SIAH1: variants seen among roughly 807,000 people sequenced by gnomAD.
SIAH1 encodes the protein E3 ubiquitin-protein ligase SIAH1.
Under a neutral mutation model 20.0 loss-of-function variants are expected in SIAH1, and 2 were observed. That is an observed-to-expected ratio of 0.10 (90% CI 0.04 to 0.31). The LOEUF (loss-of-function observed/expected upper bound fraction) is 0.31, where lower values mean the gene tolerates loss of function less well. SIAH1 is among the 10% of genes least tolerant of loss of function. The pLI, the probability that SIAH1 is intolerant of heterozygous loss-of-function variation, is 1.00. For synonymous variants in SIAH1, 118 were observed against 125.3 expected (o/e 0.94, Z 0.39); for missense variants, 119 against 355.3 (o/e 0.33, Z 5.35).
intron 1 of SIAH1, among the ~76,000 whole-genome samples, chr16:48,383,358 A>C (rs1191090538): frequency 2.6e-5 from 4 of 152,236 alleles, no homozygotes; most frequent in African/African-American, 7.2e-5. Flanking sequence ...CAATTTGTGT[A>C]ATCTACTTTG....
In SIAH1 at chr16:48,380,928, C is replaced by CAAAAAAAA. The variant is rs59376248; in HGVS notation, c.-3+4268_-3+4275dup. On this transcript the variant is annotated intron_variant, in intron 1 of 1. Transcript: ENST00000394725. ...TGGGCGACAGAGTGAGACTCCGTCT[C>CAAAAAAAA]AAAAAAAAAAAAAAAAAGAACGGCT... 5.9e-3 allele frequency among the ~76,000 whole-genome samples: 265 copies of CAAAAAAAA among 44,924 alleles called. 48 individuals are homozygous for CAAAAAAAA. Among genetic ancestry groups the CAAAAAAAA allele is most frequent in the African/African-American group, 0.025 (252 of 9,994 alleles). The allele number at this position is 44,924 out of a possible 152,430, so 29.5% of individuals were successfully genotyped here. A position where few individuals can be genotyped will look rare whatever the true frequency, so the allele number is the denominator to read the frequency against.
intron 1 of SIAH1, among the ~76,000 whole-genome samples, chr16:48,368,567 G>C (rs557574613): frequency 1.3e-5 from 2 of 152,062 alleles, no homozygotes; most frequent in African/African-American, 4.8e-5. Flanking sequence ...GCATGGTGGC[G>C]TGTGCCTGTA....
intron 1 of SIAH1, among the ~76,000 whole-genome samples, chr16:48,376,636 C>T (rs1442151510): frequency 1.3e-5 from 2 of 152,098 alleles, no homozygotes; most frequent in African/African-American, 2.4e-5. Context: ...GGATTACTGG[C>T]GCCCGGCACT....
intron 1 of SIAH1, among the ~76,000 whole-genome samples, chr16:48,374,140 A>G (rs1961046388): frequency 6.6e-6 from 1 of 152,180 alleles, no homozygotes; most frequent in African/African-American, 2.4e-5. Flanking sequence ...CTTCTAACAG[A>G]CTACATAATT....
intron 1 of SIAH1, chr16:48,363,530 G>C (rs899319280): frequency 6.0e-6 from 1 of 166,966 alleles, no homozygotes; most frequent in Non-Finnish European, 1.5e-5. Flanking sequence ...ATATCTTTCT[G>C]TTCTACTTTC....
At chr16:48,380,634 CCACTA>C (rs1443073587) in intron 1 of SIAH1, among the ~76,000 whole-genome samples, 1 of 151,508 alleles carries the variant, frequency 6.6e-6, no homozygotes, top group Non-Finnish European at 1.5e-5. Flanking sequence ...CAGTAAGATA[CCACTA>C]CAGGCCAGGC....
At chr16:48,377,384 G>A (rs1961136732) in intron 1 of SIAH1, among the ~76,000 whole-genome samples, 1 of 149,658 alleles carries the variant, frequency 6.7e-6, no homozygotes, top group Non-Finnish European at 1.5e-5. Flanking sequence ...CTAAAGTTCT[G>A]GAAGACTTTT....
intron 1 of SIAH1, among the ~76,000 whole-genome samples, chr16:48,381,576 A>T (rs755878844): frequency 6.6e-6 from 1 of 152,238 alleles, no homozygotes; most frequent in Non-Finnish European, 1.5e-5. Flanking sequence ...ATGCAGCCCT[A>T]AAGAAATGAA....
chr16:48,385,696 C>G (rs1403446078), upstream of SIAH1, among the ~76,000 whole-genome samples: 3 of 152,124 alleles, frequency 2.0e-5, no homozygotes, highest in South Asian at 4.1e-4. Context: ...AGCGCTTGCC[C>G]GTCGGCTCAG....
intron 1 of SIAH1, among the ~76,000 whole-genome samples, chr16:48,379,834 G>A (rs148901709): frequency 3.3e-5 from 5 of 152,194 alleles, no homozygotes; most frequent in African/African-American, 9.6e-5. Context: ...TAGGATGAGA[G>A]GGGCTTGCAA....
chr16:48,382,516 CAG>C (rs1961325447), intron 1 of SIAH1, among the ~76,000 whole-genome samples: 1 of 152,210 alleles, frequency 6.6e-6, no homozygotes, highest in African/African-American at 2.4e-5. Context: ...CCTTATGCAG[CAG>C]ATATTCTAGT....
At chr16:48,377,720 A>T (rs943474427) in intron 1 of SIAH1, among the ~76,000 whole-genome samples, 1 of 152,044 alleles carries the variant, frequency 6.6e-6, no homozygotes, top group African/African-American at 2.4e-5. Flanking sequence ...GGAAAAAAAA[A>T]ATCGTTCTAG....
intron 1 of SIAH1, among the ~76,000 whole-genome samples, chr16:48,366,842 G>C (rs1269337218): frequency 6.6e-6 from 1 of 152,106 alleles, no homozygotes; most frequent in Admixed American, 6.5e-5. Context: ...TACAATACAG[G>C]CTACACAAAA....
chr16:48,385,213 G>C lies in SIAH1; in HGVS notation c.-12C>G. 3.1e-6 allele frequency: 1 copy of C among 325,658 alleles called. No individual in the cohort carries two copies. Among genetic ancestry groups the C allele is most frequent in the Non-Finnish European group, 6.5e-6 (1 of 154,414 alleles). 20.2% of individuals were successfully genotyped at this position (325,658 alleles called of 1,614,324 possible). ...GCCGGGCCCCACTTACCTGTGGGCG[G>C]AGAGCGCGCCTCGGACCCCGGTCCT... is the stretch of plus-strand genomic sequence containing the variant. On this transcript the variant is annotated 5_prime_UTR_variant, in exon 1 of 2. Coordinates refer to ENST00000394725, the MANE Select transcript of SIAH1 (RefSeq NM_003031.4).
chr16:48,381,157 C>G (rs754857481), intron 1 of SIAH1, among the ~76,000 whole-genome samples: 41 of 151,794 alleles, frequency 2.7e-4, no homozygotes, highest in Non-Finnish European at 1.9e-4. Context: ...CCAGCCTGGC[C>G]GACATGTTGA....
intron 1 of SIAH1, among the ~76,000 whole-genome samples, chr16:48,381,283 T>C (rs1961284345): frequency 6.6e-6 from 1 of 152,114 alleles, no homozygotes; most frequent in South Asian, 2.1e-4. Flanking sequence ...AGGTGGAAGT[T>C]GCAGTGAGCT....
In SIAH1 at chr16:48,385,380, GGCC is replaced by G. The variant is rs543688431; in HGVS notation, c.-182_-180del. On this transcript the variant is annotated 5_prime_UTR_variant, in exon 1 of 2. Coordinates refer to ENST00000394725, the MANE Select transcript of SIAH1 (RefSeq NM_003031.4). The stretch of plus-strand genomic sequence containing the variant: ...GCAACGGCCGCCCCGGCTCCCCCCT[GGCC>G]GCCGCCGCCGCCGCCGTTTCGCGCG... 0.2 allele frequency: 30,658 copies of G among 154,620 alleles called. 3,702 individuals are homozygous for G. Among genetic ancestry groups the G allele is most frequent in the African/African-American group, 0.33 (13,701 of 40,950 alleles). 9.6% of individuals were successfully genotyped at this position (154,620 alleles called of 1,614,324 possible). A position where few individuals can be genotyped will look rare whatever the true frequency, so the allele number is the denominator to read the frequency against.
At position 48,362,348 on chromosome 16, in the gene SIAH1, G is replaced by T. The variant is rs1960623439; in HGVS notation, c.81C>A (p.Gly27=). ...CCAAGTCATTGTTGGATGCAGTTGT[G>T]CCAGTCAGGGCAGGCACCCTCTGGG... is the stretch of plus-strand genomic sequence containing the variant. ...PPSQRVPALT[G]TTASNNDLAS... is the part of the protein sequence containing the mutation. Residue 27 remains glycine (G), a synonymous_variant, in exon 2 of 2, where the codon GGC becomes GGA. Transcript: ENST00000394725. The surrounding 1 kb of genome is among the most constrained non-coding windows in gnomAD (Gnocchi z 4.2). 1.2e-6 allele frequency: 2 copies of T among 1,614,208 alleles called. No homozygotes were observed. Among genetic ancestry groups the T allele is most frequent in the Non-Finnish European group, 1.7e-6 (2 of 1,180,028 alleles).
chr16:48,383,460 C>A (rs1385859708), intron 1 of SIAH1, among the ~76,000 whole-genome samples: 1 of 152,166 alleles, frequency 6.6e-6, no homozygotes, highest in African/African-American at 2.4e-5. Flanking sequence ...GATAAAATTA[C>A]CAGACCATTA....
Sources: allele counts gnomAD v4.1 joint callset (sites outside exome capture counted in the v4.1 genomes callset), GRCh38; gene constraint gnomAD v4.1.1; non-coding constraint Gnocchi (gnomAD v3.1); transcripts MANE v1.5; gene names NCBI Gene and HGNC (gene_info 2026-07-23, HGNC 2026-07-21).